BCAR3: variants seen among roughly 807,000 people sequenced by gnomAD.
BCAR3 encodes the protein breast cancer anti-estrogen resistance protein 3.
A neutral mutation model predicts 80.1 loss-of-function variants in BCAR3; 37 were observed. The ratio of observed to expected loss-of-function variants is 0.46; its 90% CI spans 0.36 to 0.61. BCAR3 has a LOEUF of 0.61. Ranked by LOEUF, BCAR3 falls within the 20% of genes least tolerant of loss-of-function variation. BCAR3 has a pLI of 0.00. For missense variants in BCAR3, 978 were observed against 1,068.2 expected (o/e 0.92, Z 1.18); for synonymous variants, 389 against 418.9 (o/e 0.93, Z 0.87).
chr1:93,568,208 T>G, intron 9 of BCAR3: 1 of 158,834 alleles, frequency 6.3e-6, no homozygotes, highest in Non-Finnish European at 1.4e-5. Flanking sequence ...ATAAATAAAA[T>G]AAAATTACCC....
chr1:93,669,041 A>G (rs1050342169), intron 2 of BCAR3, among the ~76,000 whole-genome samples: 2 of 152,080 alleles, frequency 1.3e-5, no homozygotes, highest in Admixed American at 1.3e-4. Context: ...CTCAAAATCC[A>G]ATTTTTTTCT....
rs112759914 is a variant in BCAR3, at chr1:93,620,754, T to C, written c.357+21550A>G. On this transcript the variant is annotated intron_variant, in intron 3 of 11. Coordinates refer to ENST00000260502, the MANE Select transcript of BCAR3 (RefSeq NM_003567.4). ...CCTCTCACATGCCGACTCCTTCATA[T>C]TTCCCCGCCCTGTATTACTGGGTTG... is the stretch of plus-strand genomic sequence containing the variant. Among the ~76,000 whole-genome samples the C allele has an allele frequency of 1.5e-3, 235 of 152,302 alleles. 1 individual carries two copies. Among genetic ancestry groups the C allele is most frequent in the African/African-American group, 4.8e-3 (201 of 41,566 alleles).
At chr1:93,571,526 T>G (rs746159116) in intron 9 of BCAR3, 144 bp downstream of exon 9, 9 of 1,074,628 alleles carry the variant, frequency 8.4e-6, no homozygotes, top group Non-Finnish European at 1.2e-5. Context: ...CCCCAAATAC[T>G]TAGGACACTG....
intron 2 of BCAR3, among the ~76,000 whole-genome samples, chr1:93,844,425 C>T (rs1655070166): frequency 6.6e-6 from 1 of 152,190 alleles, no homozygotes; most frequent in South Asian, 2.1e-4. Context: ...GGTTATAACC[C>T]ATGCTTTGAC....
chr1:93,650,520 T>C lies in BCAR3; in HGVS notation c.318-8177A>G, dbSNP rs536275834. ...TACTACTGTGTGAATCTCAACACAGTTCACCATGTGACCACAACCTCTCTA... is the reference window on the plus strand; with the variant it reads ...TACTACTGTGTGAATCTCAACACAGCTCACCATGTGACCACAACCTCTCTA... On this transcript the variant is annotated intron_variant, in intron 2 of 11. Transcript: ENST00000260502. Among the ~76,000 whole-genome samples the C allele has an allele frequency of 7.2e-5, 11 of 152,308 alleles. No homozygotes were observed. The South Asian group carries it at 2.3e-3, about 32-fold the overall frequency.
intron 3 of BCAR3, chr1:93,613,864 A>G (rs1246726139): frequency 5.2e-6 from 8 of 1,550,454 alleles, no homozygotes; most frequent in Non-Finnish European, 7.0e-6. Flanking sequence ...CCAATGAAAG[A>G]CTTGCGGTGA....
intron 2 of BCAR3, among the ~76,000 whole-genome samples, chr1:93,809,328 G>A (rs1224350350): frequency 3.3e-5 from 5 of 150,186 alleles, no homozygotes; most frequent in African/African-American, 4.9e-5. Flanking sequence ...TCTGTTGGAG[G>A]TAACCACCAA....
At chr1:93,611,854 C>A (rs535574684) in intron 3 of BCAR3, among the ~76,000 whole-genome samples, 1 of 152,202 alleles carries the variant, frequency 6.6e-6, no homozygotes, top group Non-Finnish European at 1.5e-5. Flanking sequence ...ATGGATTAGA[C>A]CAAATGGAAA....
At chr1:93,637,980 T>A (rs539414725) in intron 3 of BCAR3, among the ~76,000 whole-genome samples, 4 of 152,166 alleles carry the variant, frequency 2.6e-5, no homozygotes, top group South Asian at 2.1e-4. Context: ...TGGGGCGCGG[T>A]GGCTCACGCC....
chr1:93,788,137 G>A (rs1653016801), intron 2 of BCAR3, among the ~76,000 whole-genome samples: 1 of 152,050 alleles, frequency 6.6e-6, no homozygotes, highest in Admixed American at 6.6e-5. Flanking sequence ...AGCTACTCCT[G>A]CTTGCTTGCT....
At chr1:93,828,618 C>T (rs1185026570) in intron 2 of BCAR3, among the ~76,000 whole-genome samples, 1 of 152,160 alleles carries the variant, frequency 6.6e-6, no homozygotes, top group East Asian at 1.9e-4. Context: ...AGCTGTTCAT[C>T]TTCATCAAAT....
chr1:93,734,246 A>T (rs1350718399), intron 2 of BCAR3, among the ~76,000 whole-genome samples: 1 of 152,234 alleles, frequency 6.6e-6, no homozygotes, highest in African/African-American at 2.4e-5. Context: ...GTCAACTAGA[A>T]GTGACTGCAT....
At chr1:93,628,001 T>C (rs748909518) in intron 3 of BCAR3, among the ~76,000 whole-genome samples, 11 of 152,070 alleles carry the variant, frequency 7.2e-5, no homozygotes, top group Non-Finnish European at 1.0e-4. Context: ...CTGAGAAAAA[T>C]GTAAGAAACG....
At chr1:93,810,784 T>G (rs891726293) in intron 2 of BCAR3, among the ~76,000 whole-genome samples, 4 of 152,208 alleles carry the variant, frequency 2.6e-5, no homozygotes, top group Non-Finnish European at 5.9e-5. Flanking sequence ...AGTGGGCATT[T>G]AACTCTAATA....
chr1:93,699,680 T>G (rs1051102982), intron 3 of BCAR3, among the ~76,000 whole-genome samples: 1 of 152,182 alleles, frequency 6.6e-6, no homozygotes, highest in African/African-American at 2.4e-5. Context: ...TCTCAGAGGA[T>G]GATTGCCAAG....
intron 2 of BCAR3, among the ~76,000 whole-genome samples, chr1:93,807,016 G>A (rs1653675380): frequency 6.6e-6 from 1 of 152,016 alleles, no homozygotes; most frequent in Admixed American, 6.6e-5. Flanking sequence ...TAGGTGGGAA[G>A]ATTGCTTGAG....
chr1:93,668,493 G>A (rs535335766), intron 2 of BCAR3, among the ~76,000 whole-genome samples: 15 of 152,196 alleles, frequency 9.9e-5, no homozygotes, highest in South Asian at 4.2e-4. Flanking sequence ...ACCATTCCTC[G>A]GAATGCACTA....
intron 2 of BCAR3, among the ~76,000 whole-genome samples, chr1:93,643,247 G>C (rs1279371453): frequency 2.2e-4 from 32 of 148,586 alleles, no homozygotes; most frequent in African/African-American, 7.4e-4. Context: ...AAAGAGGCCA[G>C]GCGTGGTGGC....
intron 3 of BCAR3, among the ~76,000 whole-genome samples, chr1:93,641,589 T>G (rs1049680053): frequency 2.0e-5 from 3 of 152,204 alleles, no homozygotes; most frequent in African/African-American, 7.2e-5. Context: ...GAAAAGCATC[T>G]TTTCTTCCTG....
Sources: gnomAD v4.1 joint callset for allele counts (sites outside exome capture counted in the v4.1 genomes callset) on GRCh38, gnomAD v4.1.1 for gene constraint, MANE v1.5 for transcripts, NCBI Gene and HGNC (gene_info 2026-07-23, HGNC 2026-07-21) for gene names.